TENM3: variants seen among roughly 807,000 people sequenced by gnomAD.
The protein encoded by TENM3 is teneurin-3.
Under a neutral mutation model 255.1 loss-of-function variants are expected in TENM3, and 63 were observed. The observed-to-expected ratio is 0.25, with a 90% confidence interval of 0.20 to 0.30. The LOEUF (loss-of-function observed/expected upper bound fraction) is 0.30, where lower values mean the gene tolerates loss of function less well. Among genes scored for constraint, TENM3 ranks in the 10% least tolerant of loss-of-function variants. The probability of loss-of-function intolerance (pLI) is 1.00; values close to 1 mark genes in which losing one functional copy is unlikely to be tolerated. For missense variants in TENM3, 2,929 were observed against 3,461.1 expected (o/e 0.85, Z 3.86); for synonymous variants, 1,306 against 1,322.3 (o/e 0.99, Z 0.27).
intron 1 of TENM3, among the ~76,000 whole-genome samples, chr4:182,159,541 C>T (rs1292772193): frequency 6.6e-6 from 1 of 151,948 alleles, no homozygotes; most frequent in African/African-American, 2.4e-5. Flanking sequence ...CAGGAGCTCT[C>T]ATTTAGGGAA....
At chr4:181,608,777 G>T in the TENM3 span, among the ~76,000 whole-genome samples, 14 of 152,288 alleles carry the variant, frequency 9.2e-5, no homozygotes, top group South Asian at 1.7e-3. Context: ...TTAAAGTGCT[G>T]ACCCTAATCA....
chr4:182,719,991 G>T (rs1759578446), intron 13 of TENM3, among the ~76,000 whole-genome samples: 1 of 152,048 alleles, frequency 6.6e-6, no homozygotes, highest in African/African-American at 2.4e-5. Context: ...AGCCTGGGGA[G>T]GTCAAGGCTG....
chr4:182,475,005 T>C (rs1466620441), intron 3 of TENM3, among the ~76,000 whole-genome samples: 1 of 152,196 alleles, frequency 6.6e-6, no homozygotes, highest in African/African-American at 2.4e-5. Flanking sequence ...GAGTTGATGT[T>C]AGTCATGCTT....
chr4:181,948,604 G>A, the TENM3 span, among the ~76,000 whole-genome samples: 5 of 151,902 alleles, frequency 3.3e-5, no homozygotes, highest in South Asian at 2.1e-4. Flanking sequence ...TTTTAGTAGC[G>A]ACAGGGTTTC....
the TENM3 span, among the ~76,000 whole-genome samples, chr4:181,780,733 T>A: frequency 2.6e-5 from 4 of 152,206 alleles, no homozygotes; most frequent in African/African-American, 7.2e-5. Context: ...CTGAATGGTA[T>A]TGCTTAGGTT....
chr4:181,998,097 G>A, the TENM3 span, among the ~76,000 whole-genome samples: 2 of 152,200 alleles, frequency 1.3e-5, no homozygotes, highest in African/African-American at 4.8e-5. Flanking sequence ...AATCGCTGGT[G>A]ACTTGTGAGA....
the TENM3 span, among the ~76,000 whole-genome samples, chr4:181,698,229 A>AG: frequency 6.6e-6 from 1 of 151,730 alleles, no homozygotes. Flanking sequence ...AAAAAAAAAA[A>AG]AGATAAAATG....
intron 12 of TENM3, among the ~76,000 whole-genome samples, chr4:182,705,404 G>A (rs1347453903): frequency 1.3e-5 from 2 of 152,108 alleles, no homozygotes; most frequent in Non-Finnish European, 2.9e-5. Context: ...CGTATCTGAT[G>A]TCTACACTAT....
chr4:182,491,966 C>T (rs1735337163), intron 3 of TENM3, among the ~76,000 whole-genome samples: 1 of 152,188 alleles, frequency 6.6e-6, no homozygotes. Flanking sequence ...AGAACAGGTA[C>T]ATGCTAGCCC....
At chr4:182,411,444 G>A (rs1399119222) in intron 3 of TENM3, among the ~76,000 whole-genome samples, 3 of 152,030 alleles carry the variant, frequency 2.0e-5, no homozygotes, top group African/African-American at 7.2e-5. Context: ...ACTTTACAAA[G>A]AGGAGGTTCT....
chr4:182,533,001 G>A (rs1028727824), intron 3 of TENM3, among the ~76,000 whole-genome samples: 2 of 152,166 alleles, frequency 1.3e-5, no homozygotes, highest in African/African-American at 4.8e-5. Context: ...AAGGGTACAA[G>A]TGATTCCCCG....
intron 1 of TENM3, among the ~76,000 whole-genome samples, chr4:182,172,260 A>C (rs1239862116): frequency 3.3e-5 from 5 of 152,196 alleles, no homozygotes; most frequent in Non-Finnish European, 7.3e-5. Context: ...CTGCAGACCT[A>C]GTAAGTGCAC....
the TENM3 span, among the ~76,000 whole-genome samples, chr4:181,494,370 C>T: frequency 8.9e-3 from 1,362 of 152,188 alleles, 17 homozygotes; most frequent in South Asian, 0.033. Context: ...CTGCAACCTC[C>T]GCCTCCCGGG....
intron 3 of TENM3, among the ~76,000 whole-genome samples, chr4:182,393,490 A>C (rs1768583867): frequency 1.3e-5 from 2 of 152,212 alleles, no homozygotes; most frequent in Admixed American, 1.3e-4. Context: ...AAAATATAGA[A>C]ATAATCATTC....
the TENM3 span, among the ~76,000 whole-genome samples, chr4:182,023,196 A>G: frequency 6.6e-6 from 1 of 152,162 alleles, no homozygotes; most frequent in Admixed American, 6.5e-5. Context: ...TTCCTCTTTT[A>G]AACTTTCTTT....
the TENM3 span, among the ~76,000 whole-genome samples, chr4:181,784,717 A>T: frequency 6.6e-6 from 1 of 152,172 alleles, no homozygotes; most frequent in African/African-American, 2.4e-5. Context: ...CATGAGGACT[A>T]TATTATTTCA....
chr4:181,959,276 T>C, the TENM3 span, among the ~76,000 whole-genome samples: 1 of 152,170 alleles, frequency 6.6e-6, no homozygotes, highest in African/African-American at 2.4e-5. Context: ...TTGTCATACT[T>C]TGTAATTACA....
the TENM3 span, among the ~76,000 whole-genome samples, chr4:181,768,483 G>A: frequency 6.6e-6 from 1 of 152,164 alleles, no homozygotes; most frequent in South Asian, 2.1e-4. Flanking sequence ...TACAAAAATA[G>A]TTCTTAGTTT....
At chr4:182,651,134 A>T (rs529009819) in intron 5 of TENM3, among the ~76,000 whole-genome samples, 1 of 152,062 alleles carries the variant, frequency 6.6e-6, no homozygotes, top group Non-Finnish European at 1.5e-5. Flanking sequence ...TTTTGTGTGG[A>T]AACTTTGACC....
Sources: gnomAD v4.1 joint callset for allele counts (sites outside exome capture counted in the v4.1 genomes callset) on GRCh38, gnomAD v4.1.1 for gene constraint, MANE v1.5 for transcripts, NCBI Gene and HGNC (gene_info 2026-07-23, HGNC 2026-07-21) for gene names.